The following COL18A1 variants were observed in gnomAD, a reference collection of about 807,000 sequenced individuals.
COL18A1 encodes collagen alpha-1(XVIII) chain.
A neutral mutation model predicts 168.0 loss-of-function variants in COL18A1; 133 were observed. The ratio of observed to expected loss-of-function variants is 0.79; its 90% CI spans 0.69 to 0.91. The LOEUF is 0.91. Among genes scored for constraint, COL18A1 ranks in the 40% least tolerant of loss-of-function variants. COL18A1 has a pLI of 0.00. For missense variants in COL18A1, 2,126 were observed against 1,925.4 expected (o/e 1.10, Z -1.95); for synonymous variants, 949 against 809.0 (o/e 1.17, Z -2.94).
intron 4 of COL18A1, among the ~76,000 whole-genome samples, chr21:45,474,943 C>G (rs777742073): frequency 6.6e-5 from 10 of 152,218 alleles, no homozygotes; most frequent in Non-Finnish European, 1.0e-4. Context: ...AGGCTGCGCC[C>G]TGGGACAGCT....
Position 45,405,493 on chromosome 21 carries a change from G to A in COL18A1, c.106+20G>A. ...AGCCAGGTAAGACCCGGGCGGGACG[G>A]GAAGGTTCGCGCCGGTGCCCGCCGG... On this transcript the variant is annotated intron_variant, in intron 2 of 41. Coordinates refer to ENST00000651438, the MANE Select transcript of COL18A1 (RefSeq NM_001379500.1). 4 of 1,337,340 alleles carry A rather than the reference G, an allele frequency of 3.0e-6. No individual in the cohort carries two copies. The highest frequency in any genetic ancestry group is 3.3e-5 in the South Asian group (2 of 60,036). The allele number at this position is 1,337,340 out of a possible 1,614,324, so 82.8% of individuals were successfully genotyped here. A position where few individuals can be genotyped will look rare whatever the true frequency, so the allele number is the denominator to read the frequency against.
chr21:45,460,162 C>T (rs937079572), intron 2 of COL18A1, among the ~76,000 whole-genome samples: 2 of 152,248 alleles, frequency 1.3e-5, no homozygotes, highest in Non-Finnish European at 1.5e-5. Flanking sequence ...CCCCAGAGCG[C>T]TCTTCAGCAT....
At chr21:45,477,986 G>A (rs757597238) in intron 8 of COL18A1, 21 bp downstream of exon 8, 55 of 1,294,146 alleles carry the variant, frequency 4.2e-5, no homozygotes, top group Middle Eastern at 3.8e-4. Flanking sequence ...ACGTCCCCCC[G>A]AGTCCGGCCC....
At chr21:45,485,445 A>G (rs566742693) in intron 15 of COL18A1, among the ~76,000 whole-genome samples, 1 of 152,182 alleles carries the variant, frequency 6.6e-6, no homozygotes, top group South Asian at 2.1e-4. Flanking sequence ...ATAGTAAGCT[A>G]CAATCATGCC....
intron 2 of COL18A1, among the ~76,000 whole-genome samples, chr21:45,421,989 A>T (rs1005105415): frequency 8.5e-5 from 13 of 152,136 alleles, no homozygotes; most frequent in African/African-American, 3.1e-4. Flanking sequence ...ACACTCACAC[A>T]GACACACGCT....
intron 2 of COL18A1, among the ~76,000 whole-genome samples, chr21:45,452,890 G>C (rs1240443068): frequency 6.6e-6 from 1 of 151,928 alleles, no homozygotes; most frequent in Non-Finnish European, 1.5e-5. Context: ...ATTCACATGT[G>C]ACATGTGAGC....
chr21:45,511,628 G>A (rs1375545013), intron 41 of COL18A1, among the ~76,000 whole-genome samples: 1 of 152,052 alleles, frequency 6.6e-6, no homozygotes, highest in Non-Finnish European at 1.5e-5. Flanking sequence ...AATTTCCAGG[G>A]TATCTAGAAG....
intron 32 of COL18A1, among the ~76,000 whole-genome samples, chr21:45,501,797 CCTCTCTCT>C (rs2036857160): frequency 1.9e-5 from 1 of 53,760 alleles, no homozygotes. Context: ...CAGCCGGTCA[CCTCTCTCT>C]GCAGAAGGAC....
intron 33 of COL18A1, 69 bp from the exon 34 acceptor site, chr21:45,504,347 G>A (rs2037051971): frequency 6.6e-7 from 1 of 1,517,566 alleles, no homozygotes; most frequent in Middle Eastern, 1.8e-4. Flanking sequence ...CCTGGCTCGG[G>A]GGGATGGGAG....
rs750751065 is a variant in COL18A1, at chr21:45,512,378, T to C, written c.4000T>C (p.Phe1334Leu). The change falls in exon 42 of 42, where the codon TTC becomes CTC. Residue 1334 changes from phenylalanine (F) to leucine (L), a missense_variant. Phe to Leu is a conservative substitution (Grantham distance 22). Coordinates refer to ENST00000651438, the MANE Select transcript of COL18A1 (RefSeq NM_001379500.1). ...CATCGTGCTCTGCATTGAGAACAGC[T>C]TCATGACTGCCTCCAAGTAGCCACC... Reference protein sequence around the residue: ...AYIVLCIENSFMTASK With the variant: ...AYIVLCIENSLMTASK 1.9e-6 allele frequency: 3 copies of C among 1,612,646 alleles called. No individual in the cohort carries two copies. The highest frequency in any genetic ancestry group is 1.7e-6 in the Non-Finnish European group (2 of 1,179,788).
chr21:45,431,061 G>A (rs965562698), intron 2 of COL18A1, among the ~76,000 whole-genome samples: 4 of 151,244 alleles, frequency 2.6e-5, no homozygotes, highest in South Asian at 2.1e-4. Flanking sequence ...TGGCTTCCAG[G>A]TGGTTTGTTT....
In COL18A1 at chr21:45,487,529, G is replaced by A. The variant is rs761751990; in HGVS notation, c.1896+20G>A. 2.0e-5 allele frequency: 32 copies of A among 1,611,978 alleles called. No homozygotes were observed. The highest frequency in any genetic ancestry group is 1.3e-4 in the East Asian group (6 of 44,880). ...CCACAGGTAGTGTTGTGAGCTGGGC[G>A]TGGCCGGCTCTGAGGGGTAAGGGGG... On this transcript the variant is annotated intron_variant, in intron 17 of 41. Transcript: ENST00000651438.
At chr21:45,455,274 T>C (rs1290822777) in intron 2 of COL18A1, among the ~76,000 whole-genome samples, 1 of 152,210 alleles carries the variant, frequency 6.6e-6, no homozygotes, top group African/African-American at 2.4e-5. Flanking sequence ...GCACCCTCTG[T>C]CCTCACGGAG....
intron 2 of COL18A1, among the ~76,000 whole-genome samples, chr21:45,455,253 C>T (rs1471214946): frequency 6.6e-6 from 1 of 152,256 alleles, no homozygotes; most frequent in African/African-American, 2.4e-5. Flanking sequence ...ACCCTGTGGA[C>T]ACTGCACACA....
chr21:45,510,282 G>A, intron 40 of COL18A1, 21 bp downstream of exon 40: 1 of 1,584,654 alleles, frequency 6.3e-7, no homozygotes, highest in Non-Finnish European at 8.6e-7. Flanking sequence ...CCAGTCCTGA[G>A]GGCGCGGGCT....
rs548016223 is a variant in COL18A1, at chr21:45,507,642, G to C, written c.3249+49G>C. ...GACTGGTGGGTGGTCAGGACATGAGGGGGTATGTGCTGTCCCCTGTTTGAG... is the reference window on the plus strand; with the variant it reads ...GACTGGTGGGTGGTCAGGACATGAGCGGGTATGTGCTGTCCCCTGTTTGAG... On this transcript the variant is annotated intron_variant, in intron 38 of 41. Transcript: ENST00000651438. 2.6e-6 allele frequency: 4 copies of C among 1,561,596 alleles called. No individual in the cohort carries two copies. In the African/African-American group the frequency reaches 4.1e-5, roughly 16 times the overall value.
At chr21:45,415,030 C>T (rs545542751) in intron 2 of COL18A1, among the ~76,000 whole-genome samples, 5 of 152,290 alleles carry the variant, frequency 3.3e-5, no homozygotes, top group African/African-American at 9.6e-5. Context: ...AGGACCCCTG[C>T]GGGCACCGTG....
At chr21:45,460,472 G>A (rs557171206) in intron 2 of COL18A1, among the ~76,000 whole-genome samples, 4 of 152,328 alleles carry the variant, frequency 2.6e-5, no homozygotes, top group South Asian at 2.1e-4. Context: ...CTGGACATTC[G>A]GAGGTCAGTG....
intron 2 of COL18A1, among the ~76,000 whole-genome samples, chr21:45,408,981 C>T (rs2033206264): frequency 6.6e-6 from 1 of 151,806 alleles, no homozygotes; most frequent in Admixed American, 6.6e-5. Context: ...TGTGCCGGCA[C>T]TGGCTCCCCA....
Sources: allele counts gnomAD v4.1 joint callset (sites outside exome capture counted in the v4.1 genomes callset), GRCh38; gene constraint gnomAD v4.1.1; transcripts MANE v1.5; gene names NCBI Gene and HGNC (gene_info 2026-07-23, HGNC 2026-07-21).